JAM3: variants seen among roughly 807,000 people sequenced by gnomAD.
The protein encoded by JAM3 is junctional adhesion molecule 3, also known as junctional adhesion molecule C.
A neutral mutation model predicts 39.4 loss-of-function variants in JAM3; 31 were observed. That is an observed-to-expected ratio of 0.79 (90% CI 0.59 to 1.06). The LOEUF (loss-of-function observed/expected upper bound fraction) is 1.06, where lower values mean the gene tolerates loss of function less well. JAM3 is among the 50% of genes least tolerant of loss of function. JAM3 has a pLI of 0.00. For synonymous variants in JAM3, 182 were observed against 148.7 expected (o/e 1.22, Z -1.63); for missense variants, 455 against 391.4 (o/e 1.16, Z -1.37).
chr11:134,125,134 C>T lies in JAM3; in HGVS notation c.77-14717C>T, dbSNP rs151151345. Among the ~76,000 whole-genome samples the T allele has an allele frequency of 7.7e-3, 1,176 of 152,276 alleles. 7 individuals are homozygous for T. Among genetic ancestry groups the T allele is most frequent in the Middle Eastern group, 0.014 (4 of 292 alleles). ...CGGCCGCCGCCACTGCTGCTCCAGC[C>T]GCTCCCGGACGGACAACGGCTACAG... On this transcript the variant is annotated intron_variant, in intron 1 of 8. Coordinates refer to ENST00000299106, the MANE Select transcript of JAM3 (RefSeq NM_032801.5).
At chr11:134,111,044 C>T (rs1462018084) in intron 1 of JAM3, among the ~76,000 whole-genome samples, 1 of 149,252 alleles carries the variant, frequency 6.7e-6, no homozygotes, top group Non-Finnish European at 1.5e-5. Context: ...ATATATGGCT[C>T]ATATGAATCC....
Position 134,144,810 on chromosome 11 carries a change from T to A in JAM3, c.428T>A (p.Val143Asp). ...LTVQVKPVTP[V>D]CRVPKAVPVG... Reference sequence around the variant, plus strand: ...CCCACAGTGAAGCCAGTGACCCCTGTCTGTAGAGTGCCGAAGGCTGTACCA... The same window carrying A: ...CCCACAGTGAAGCCAGTGACCCCTGACTGTAGAGTGCCGAAGGCTGTACCA... The change falls in exon 5 of 9, where the codon GTC becomes GAC. Residue 143 changes from valine (V) to aspartate (D), a missense_variant. Physicochemically the swap from Val to Asp is radical, Grantham distance 152. Transcript: ENST00000299106. 1 of 1,614,144 alleles carries A rather than the reference T, an allele frequency of 6.2e-7. No individual in the cohort carries two copies. The highest frequency in any genetic ancestry group is 1.1e-5 in the South Asian group (1 of 91,084).
At chr11:134,144,708 T>A in intron 4 of JAM3, 84 bp from the exon 5 acceptor site, 3 of 1,268,856 alleles carry the variant, frequency 2.4e-6, no homozygotes, top group Admixed American at 1.7e-5. Context: ...GGCTGTCTTG[T>A]CTTTGGAGCT....
At chr11:134,107,713 A>G (rs1942222383) in intron 1 of JAM3, among the ~76,000 whole-genome samples, 1 of 152,086 alleles carries the variant, frequency 6.6e-6, no homozygotes, top group Admixed American at 6.6e-5. Flanking sequence ...AAATTTAAAA[A>G]TGAGCCAGGC....
At chr11:134,143,463 G>A (rs1041858286) in intron 3 of JAM3, among the ~76,000 whole-genome samples, 2 of 152,142 alleles carry the variant, frequency 1.3e-5, no homozygotes, top group Non-Finnish European at 2.9e-5. Flanking sequence ...TGAATTCCCA[G>A]GCTCAAATAA....
chr11:134,113,257 T>C (rs1282968006), intron 1 of JAM3, among the ~76,000 whole-genome samples: 2 of 151,618 alleles, frequency 1.3e-5, no homozygotes, highest in Non-Finnish European at 2.9e-5. Flanking sequence ...GTTTGTTACA[T>C]ATGTATACAT....
Position 134,140,809 on chromosome 11 carries a change from C to T in JAM3, c.256+39C>T, listed in dbSNP as rs183241218. 116 of 1,585,328 alleles carry T rather than the reference C, an allele frequency of 7.3e-5. No individual in the cohort carries two copies. The Admixed American group carries it at 2.0e-3, about 28-fold the overall frequency. ...GTCCTCTTGCCTGCTGACCTTTCCT[C>T]TGTCCATAGACCTGGGTATACACTC... is the stretch of plus-strand genomic sequence containing the variant. On this transcript the variant is annotated intron_variant, in intron 3 of 8. Coordinates refer to ENST00000299106, the MANE Select transcript of JAM3 (RefSeq NM_032801.5).
chr11:134,079,298 C>A (rs1449903994), intron 1 of JAM3, among the ~76,000 whole-genome samples: 2 of 152,148 alleles, frequency 1.3e-5, no homozygotes. Flanking sequence ...CACTAGACAG[C>A]CACCTGAAAC....
chr11:134,107,260 C>A (rs1048667266), intron 1 of JAM3, among the ~76,000 whole-genome samples: 1 of 152,050 alleles, frequency 6.6e-6, no homozygotes, highest in Non-Finnish European at 1.5e-5. Flanking sequence ...CATGTTGTCA[C>A]TCATAGGTGG....
chr11:134,106,671 G>A (rs968998424), intron 1 of JAM3, among the ~76,000 whole-genome samples: 1 of 152,192 alleles, frequency 6.6e-6, no homozygotes, highest in Non-Finnish European at 1.5e-5. Flanking sequence ...AATGGGCAAA[G>A]AATATGAACA....
In JAM3 at chr11:134,148,627, T is replaced by G. The variant is rs1943124181; in HGVS notation, c.793T>G (p.Cys265Gly). Residue 265 changes from cysteine to glycine, a missense_variant, in exon 7 of 9, where the codon TGT becomes GGT. Cys to Gly is a radical substitution (Grantham distance 159). Transcript: ENST00000299106. ...VLALITLGICCAYRRGYFINN... is the reference protein window; with the variant it reads ...VLALITLGICGAYRRGYFINN... ...GGCCCTGATCACGTTGGGCATCTGC[T>G]GTGCATACAGACGTGGCTACTTCAT... 1.2e-6 allele frequency: 2 copies of G among 1,614,214 alleles called. No homozygotes were observed. The highest frequency in any genetic ancestry group is 4.5e-5 in the East Asian group (2 of 44,888).
Position 134,149,143 on chromosome 11 carries a change from C to T in JAM3, c.898-3C>T, listed in dbSNP as rs776382968. On this transcript the variant is annotated splice_polypyrimidine_tract_variant and splice_region_variant and intron_variant, in intron 8 of 8. Transcript: ENST00000299106. ...TGGCTCTAACTGTGTGTTGGCTTTGCAGGGCGACTTCAGACACAAGTCATC... is the reference window on the plus strand; with the variant it reads ...TGGCTCTAACTGTGTGTTGGCTTTGTAGGGCGACTTCAGACACAAGTCATC... 4.8e-5 allele frequency: 78 copies of T among 1,613,912 alleles called. No homozygotes were observed. The highest frequency in any genetic ancestry group is 6.3e-5 in the Non-Finnish European group (74 of 1,179,888).
At chr11:134,127,155 C>T (rs1459474272) in intron 1 of JAM3, among the ~76,000 whole-genome samples, 1 of 152,126 alleles carries the variant, frequency 6.6e-6, no homozygotes, top group African/African-American at 2.4e-5. Flanking sequence ...GAGTGTTAGA[C>T]ATGGAGTTTA....
At chr11:134,140,980 C>T (rs1942964666) in intron 3 of JAM3, among the ~76,000 whole-genome samples, 1 of 152,090 alleles carries the variant, frequency 6.6e-6, no homozygotes, top group Admixed American at 6.5e-5. Flanking sequence ...CCCTGTCCCC[C>T]AGCATCAACA....
intron 1 of JAM3, among the ~76,000 whole-genome samples, chr11:134,137,172 G>A (rs553133073): frequency 1.3e-5 from 2 of 151,972 alleles, no homozygotes; most frequent in East Asian, 1.9e-4. Flanking sequence ...TAATGCAGAG[G>A]GATAAAAGAA....
intron 1 of JAM3, among the ~76,000 whole-genome samples, chr11:134,116,326 C>T (rs951264603): frequency 2.0e-5 from 3 of 152,080 alleles, no homozygotes; most frequent in South Asian, 2.1e-4. Flanking sequence ...ATGATTATTT[C>T]CTATTTCCCT....
chr11:134,145,097 G>A lies in JAM3; in HGVS notation c.612+103G>A, dbSNP rs1943047467. 6.1e-6 allele frequency: 6 copies of A among 975,800 alleles called. No individual in the cohort carries two copies. The East Asian group carries it at 7.5e-5, about 12-fold the overall frequency. The allele number at this position is 975,800 out of a possible 1,614,324, so 60.4% of individuals were successfully genotyped here. A position where few individuals can be genotyped will look rare whatever the true frequency, so the allele number is the denominator to read the frequency against. ...GAGAGATACTGAAACTTCTTGATAAGACAGGAGTCAAAAATCTAGAATGTT... is the reference window on the plus strand; with the variant it reads ...GAGAGATACTGAAACTTCTTGATAAAACAGGAGTCAAAAATCTAGAATGTT... On this transcript the variant is annotated intron_variant, in intron 5 of 8. Coordinates refer to ENST00000299106, the MANE Select transcript of JAM3 (RefSeq NM_032801.5).
chr11:134,136,746 T>G (rs1168745358), intron 1 of JAM3, among the ~76,000 whole-genome samples: 2 of 151,272 alleles, frequency 1.3e-5, no homozygotes, highest in Admixed American at 1.3e-4. Context: ...TCATGAAAAA[T>G]AAAATACAAA....
chr11:134,074,242 T>C (rs1941528750), intron 1 of JAM3, among the ~76,000 whole-genome samples: 1 of 152,204 alleles, frequency 6.6e-6, no homozygotes, highest in Non-Finnish European at 1.5e-5. Context: ...TCTGCTTTTC[T>C]TTGTTTTTGT....
Sources: gnomAD v4.1 joint callset for allele counts (sites outside exome capture counted in the v4.1 genomes callset) on GRCh38, gnomAD v4.1.1 for gene constraint, MANE v1.5 for transcripts, NCBI Gene and HGNC (gene_info 2026-07-23, HGNC 2026-07-21) for gene names.